XKR6: variants seen among roughly 807,000 people sequenced by gnomAD.
XKR6 encodes the protein XK-related protein 6.
XKR6 carries 22 observed loss-of-function variants against 56.7 expected under a neutral mutation model. That is an observed-to-expected ratio of 0.39 (90% CI 0.28 to 0.55). XKR6 has a LOEUF of 0.55. XKR6 is among the 20% of genes least tolerant of loss of function. The probability of loss-of-function intolerance (pLI) is 0.66; values close to 1 mark genes in which losing one functional copy is unlikely to be tolerated. For missense variants in XKR6, 852 were observed against 889.0 expected, an observed-to-expected ratio of 0.96 and a Z score of 0.53; for synonymous variants, 524 against 387.8, an observed-to-expected ratio of 1.35 and a Z score of -4.13.
intron 1 of XKR6, among the ~76,000 whole-genome samples, chr8:10,985,597 T>TAA (rs35383772): frequency 9.2e-4 from 126 of 136,356 alleles, no homozygotes; most frequent in South Asian, 1.9e-3. Flanking sequence ...ATCTTTTGGT[T>TAA]AAAAAAAAAA....
intron 1 of XKR6, among the ~76,000 whole-genome samples, chr8:11,114,723 A>T (rs1048775236): frequency 3.7e-5 from 3 of 81,648 alleles, no homozygotes; most frequent in African/African-American, 1.4e-4. Context: ...TACTTAGATC[A>T]CATATGTGTG....
intron 1 of XKR6, among the ~76,000 whole-genome samples, chr8:11,183,020 A>G (rs1803077797): frequency 6.6e-6 from 1 of 152,176 alleles, no homozygotes; most frequent in Non-Finnish European, 1.5e-5. Context: ...CTCCAGGTTC[A>G]TCCATGTTGC....
chr8:11,064,945 G>T (rs1328326014), intron 1 of XKR6, among the ~76,000 whole-genome samples: 1 of 152,138 alleles, frequency 6.6e-6, no homozygotes, highest in Non-Finnish European at 1.5e-5. Context: ...AAAGCATACT[G>T]TACTTGTCTA....
intron 2 of XKR6, among the ~76,000 whole-genome samples, chr8:10,914,679 A>G (rs1238539003): frequency 2.6e-5 from 4 of 152,168 alleles, no homozygotes; most frequent in Non-Finnish European, 5.9e-5. Flanking sequence ...GCAGCATCCT[A>G]GCTCAGCTGA....
chr8:11,002,472 A>G, intron 1 of XKR6: 1 of 403,740 alleles, frequency 2.5e-6, no homozygotes. Context: ...AGAAGGCAGG[A>G]GAAAAAGACT....
At chr8:11,051,869 C>T (rs554350337) in intron 1 of XKR6, among the ~76,000 whole-genome samples, 9 of 152,220 alleles carry the variant, frequency 5.9e-5, no homozygotes, top group South Asian at 4.1e-4. Flanking sequence ...ACGGGATACA[C>T]GTGCAGAACG....
intron 1 of XKR6, among the ~76,000 whole-genome samples, chr8:11,179,374 C>T (rs1385502717): frequency 2.0e-5 from 3 of 152,186 alleles, no homozygotes; most frequent in African/African-American, 7.2e-5. Context: ...TAAACCTCTA[C>T]ATACTTTCAG....
chr8:11,042,697 A>G (rs1302720079), intron 1 of XKR6, among the ~76,000 whole-genome samples: 3 of 152,268 alleles, frequency 2.0e-5, no homozygotes, highest in Non-Finnish European at 4.4e-5. Context: ...GTTCCAATGA[A>G]CATATCCTTT....
intron 1 of XKR6, among the ~76,000 whole-genome samples, chr8:11,024,487 A>G (rs1798818466): frequency 6.6e-6 from 1 of 152,212 alleles, no homozygotes; most frequent in African/African-American, 2.4e-5. Context: ...TCTGGCACCT[A>G]ATAAGCATTC....
rs541811335 is a variant in XKR6, at chr8:11,152,395, A to T, written c.764+48181T>A. On this transcript the variant is annotated intron_variant, in intron 1 of 2. Transcript: ENST00000416569. The stretch of plus-strand genomic sequence containing the variant: ...CAAGGTTGAACGCATTTTTAAAGCT[A>T]AGCGAATATACTGAGTGGGATTTTT... Among the ~76,000 whole-genome samples, 3 of 152,360 alleles carry T rather than the reference A, an allele frequency of 2.0e-5. No individual in the cohort carries two copies. The East Asian group carries it at 5.8e-4, about 29-fold the overall frequency.
intron 1 of XKR6, among the ~76,000 whole-genome samples, chr8:10,947,396 T>C (rs6987134): frequency 0.37 from 55,452 of 151,858 alleles, 10,553 homozygotes; most frequent in Non-Finnish European, 0.4. Context: ...AGGCTGGAGA[T>C]GCAGACAGTG....
At chr8:10,916,624 C>T (rs1010427775) in intron 2 of XKR6, among the ~76,000 whole-genome samples, 2 of 152,218 alleles carry the variant, frequency 1.3e-5, no homozygotes, top group African/African-American at 4.8e-5. Flanking sequence ...GGGACAGAAG[C>T]AGGCTTTACC....
chr8:11,000,425 C>T (rs1798211526), intron 1 of XKR6, among the ~76,000 whole-genome samples: 1 of 152,182 alleles, frequency 6.6e-6, no homozygotes, highest in African/African-American at 2.4e-5. Context: ...GTAGCTCATG[C>T]CTGAAATCCA....
intron 1 of XKR6, among the ~76,000 whole-genome samples, chr8:11,139,513 C>A (rs915197987): frequency 6.6e-6 from 1 of 152,128 alleles, no homozygotes; most frequent in Non-Finnish European, 1.5e-5. Flanking sequence ...GGCCACTCCA[C>A]AGAGACAGGG....
At chr8:10,986,001 G>A (rs75012999) in intron 1 of XKR6, among the ~76,000 whole-genome samples, 1 of 152,324 alleles carries the variant, frequency 6.6e-6, no homozygotes, top group East Asian at 1.9e-4. Context: ...AAAAATATAG[G>A]AGAGAAGGAG....
intron 1 of XKR6, among the ~76,000 whole-genome samples, chr8:11,134,708 A>G (rs1348545365): frequency 1.3e-5 from 2 of 152,136 alleles, no homozygotes; most frequent in Admixed American, 6.5e-5. Flanking sequence ...GCACACACAC[A>G]CACACACAGC....
At chr8:11,100,150 T>G (rs1264557334) in intron 1 of XKR6, among the ~76,000 whole-genome samples, 2 of 152,114 alleles carry the variant, frequency 1.3e-5, no homozygotes, top group Non-Finnish European at 2.9e-5. Context: ...CTCCCCAGAC[T>G]CAGGCGATCC....
At chr8:10,969,833 C>T (rs1802347912) in intron 1 of XKR6, among the ~76,000 whole-genome samples, 1 of 152,248 alleles carries the variant, frequency 6.6e-6, no homozygotes, top group Non-Finnish European at 1.5e-5. Context: ...AAGCCTGACG[C>T]TCACCTGCCT....
rs35571220 is a variant in XKR6 at position 11,008,418 on chromosome 8, C to CTTTT, written c.765-83592_765-83589dup. 5.2e-3 allele frequency among the ~76,000 whole-genome samples: 546 copies of CTTTT among 104,132 alleles called. 24 individuals carry two copies. Among genetic ancestry groups the CTTTT allele is most frequent in the African/African-American group, 0.018 (460 of 25,352 alleles). The allele number at this position is 104,132 out of a possible 152,430, so 68.3% of individuals were successfully genotyped here. A position where few individuals can be genotyped will look rare whatever the true frequency, so the allele number is the denominator to read the frequency against. On this transcript the variant is annotated intron_variant, in intron 1 of 2. Transcript: ENST00000416569. ...CATCCCCTAAAGGGGGCTCCCCAGGCTTTTTTTTTTTTTTTTTTTTTTGAC... is the reference window on the plus strand; with the variant it reads ...CATCCCCTAAAGGGGGCTCCCCAGGCTTTTTTTTTTTTTTTTTTTTTTTTTTGAC...
Sources: gnomAD v4.1 joint callset for allele counts (sites outside exome capture counted in the v4.1 genomes callset) on GRCh38, gnomAD v4.1.1 for gene constraint, MANE v1.5 for transcripts, NCBI Gene and HGNC (gene_info 2026-07-23, HGNC 2026-07-21) for gene names.